The following ROBO2 variants were observed in gnomAD, a reference collection of about 807,000 sequenced individuals.
ROBO2 encodes roundabout guidance receptor 2, also known as roundabout homolog 2.
In ROBO2, 53 loss-of-function variants were observed where a neutral mutation model predicts 160.8. That is an observed-to-expected ratio of 0.33 (90% CI 0.26 to 0.41). The LOEUF (loss-of-function observed/expected upper bound fraction) is 0.41, where lower values mean the gene tolerates loss of function less well. Among genes scored for constraint, ROBO2 ranks in the 10% least tolerant of loss-of-function variants. The pLI, the probability that ROBO2 is intolerant of heterozygous loss-of-function variation, is 1.00. For missense variants in ROBO2, 1,577 were observed against 1,722.4 expected (o/e 0.92, Z 1.49); for synonymous variants, 664 against 611.7 (o/e 1.09, Z -1.26).
chr3:76,262,148 C>T (rs17140601), intron 2 of ROBO2, among the ~76,000 whole-genome samples: 103,520 of 152,020 alleles, frequency 0.68, 40,203 homozygotes, highest in Non-Finnish European at 0.89. Context: ...ACGTCTCCTA[C>T]GTTGCCTTAT....
chr3:75,936,948 A>G (rs928194246), intron 1 of ROBO2, among the ~76,000 whole-genome samples: 6 of 152,080 alleles, frequency 3.9e-5, no homozygotes, highest in Non-Finnish European at 1.5e-5. Context: ...AGTAAATAAG[A>G]TTAGTTTTTG....
intron 2 of ROBO2, among the ~76,000 whole-genome samples, chr3:76,623,577 C>G (rs537021635): frequency 6.6e-6 from 1 of 152,210 alleles, no homozygotes; most frequent in African/African-American, 2.4e-5. Flanking sequence ...CACATTTTAT[C>G]CAACCTACAC....
intron 2 of ROBO2, among the ~76,000 whole-genome samples, chr3:76,967,035 C>T (rs141261113): frequency 7.9e-5 from 12 of 152,178 alleles, no homozygotes; most frequent in African/African-American, 2.6e-4. Context: ...CCAGAGAGTT[C>T]GCTGGGCATA....
chr3:76,217,830 G>C (rs1703664292), intron 2 of ROBO2, among the ~76,000 whole-genome samples: 1 of 152,158 alleles, frequency 6.6e-6, no homozygotes, highest in South Asian at 2.1e-4. Context: ...GCATCATCCT[G>C]ATGCCAAAGC....
chr3:77,136,844 C>A (rs529165531), intron 2 of ROBO2, among the ~76,000 whole-genome samples: 1 of 151,988 alleles, frequency 6.6e-6, no homozygotes, highest in African/African-American at 2.4e-5. Context: ...ACTGTGTTAG[C>A]CAGGATGGTC....
chr3:77,334,615 T>C (rs2066297461), intron 2 of ROBO2, among the ~76,000 whole-genome samples: 1 of 152,182 alleles, frequency 6.6e-6, no homozygotes, highest in Non-Finnish European at 1.5e-5. Context: ...GGATATCCCT[T>C]ACCATATAGC....
chr3:75,934,461 C>T (rs1355203420), intron 1 of ROBO2, among the ~76,000 whole-genome samples: 1 of 152,120 alleles, frequency 6.6e-6, no homozygotes, highest in East Asian at 1.9e-4. Flanking sequence ...ATCTACCATG[C>T]TTCTTACAAA....
intron 2 of ROBO2, among the ~76,000 whole-genome samples, chr3:76,469,029 G>C (rs2078509070): frequency 6.6e-6 from 1 of 151,998 alleles, no homozygotes; most frequent in African/African-American, 2.4e-5. Context: ...CTTTGATCCT[G>C]TTGAATGTAC....
At chr3:76,993,555 T>C (rs1578117709) in intron 2 of ROBO2, among the ~76,000 whole-genome samples, 1 of 152,252 alleles carries the variant, frequency 6.6e-6, no homozygotes, top group East Asian at 1.9e-4. Context: ...CAAATGCAGG[T>C]ATCTCCCTTG....
At chr3:76,580,822 T>C (rs1025244523) in intron 2 of ROBO2, among the ~76,000 whole-genome samples, 2 of 152,098 alleles carry the variant, frequency 1.3e-5, no homozygotes, top group Non-Finnish European at 2.9e-5. Context: ...TTTTTTTCCA[T>C]AGCAGTAACC....
At chr3:77,389,305 C>G (rs1320909357) in intron 2 of ROBO2, among the ~76,000 whole-genome samples, 1 of 152,106 alleles carries the variant, frequency 6.6e-6, no homozygotes, top group African/African-American at 2.4e-5. Context: ...AGAGTGCCCA[C>G]TTGCTGACTG....
At position 76,222,801 on chromosome 3, in the gene ROBO2, C is replaced by G. The variant is rs1358398997; in HGVS notation, c.109+285199C>G. Reference sequence around the variant, plus strand: ...ATGGAGTCTCCTTCTGTCGCCCACGCTGGGGTGCAGTGGCATGATCTGGGC... The same window carrying G: ...ATGGAGTCTCCTTCTGTCGCCCACGGTGGGGTGCAGTGGCATGATCTGGGC... On this transcript the variant is annotated intron_variant, in intron 2 of 26. Transcript: ENST00000487694. 2.0e-5 allele frequency among the ~76,000 whole-genome samples: 3 copies of G among 152,030 alleles called. No individual in the cohort carries two copies. In the East Asian group the frequency reaches 5.9e-4, roughly 30 times the overall value.
At chr3:77,099,893 G>T (rs890326560) in intron 2 of ROBO2, among the ~76,000 whole-genome samples, 2 of 151,942 alleles carry the variant, frequency 1.3e-5, no homozygotes, top group African/African-American at 4.8e-5. Flanking sequence ...TTAGGGAATT[G>T]TGTCATATTT....
At chr3:76,928,475 A>T (rs143531119) in intron 2 of ROBO2, among the ~76,000 whole-genome samples, 16 of 150,004 alleles carry the variant, frequency 1.1e-4, no homozygotes, top group African/African-American at 3.9e-4. Flanking sequence ...TTTTTGCAGA[A>T]GTAAAACTAG....
intron 2 of ROBO2, among the ~76,000 whole-genome samples, chr3:76,664,396 C>A (rs977875019): frequency 2.6e-5 from 4 of 152,082 alleles, no homozygotes; most frequent in Non-Finnish European, 5.9e-5. Flanking sequence ...TACTTACTAA[C>A]TGAGCTTGAG....
intron 2 of ROBO2, among the ~76,000 whole-genome samples, chr3:76,151,385 C>A (rs924066906): frequency 6.6e-6 from 1 of 152,098 alleles, no homozygotes; most frequent in South Asian, 2.1e-4. Flanking sequence ...AGTGAGGCAC[C>A]AGAGCCACCA....
intron 2 of ROBO2, among the ~76,000 whole-genome samples, chr3:77,104,204 C>T (rs2072465907): frequency 1.3e-5 from 2 of 152,102 alleles, no homozygotes; most frequent in Non-Finnish European, 2.9e-5. Flanking sequence ...CCCATTAGAA[C>T]TCAGTTCCCA....
chr3:76,254,529 A>C (rs1311651298), intron 2 of ROBO2, among the ~76,000 whole-genome samples: 15 of 152,120 alleles, frequency 9.9e-5, no homozygotes, highest in Admixed American at 8.5e-4. Context: ...TTAGATATGC[A>C]CTTTATAAAT....
chr3:76,261,184 G>GTC (rs1706726214), intron 2 of ROBO2, among the ~76,000 whole-genome samples: 1 of 126,066 alleles, frequency 7.9e-6, no homozygotes, highest in South Asian at 2.7e-4. Context: ...GTGTGTGTGT[G>GTC]TGTGTGTGTG....
Sources: gnomAD v4.1 joint callset for allele counts (sites outside exome capture counted in the v4.1 genomes callset) on GRCh38, gnomAD v4.1.1 for gene constraint, MANE v1.5 for transcripts, NCBI Gene and HGNC (gene_info 2026-07-23, HGNC 2026-07-21) for gene names.